The following MACROD2 variants were observed in gnomAD, a reference collection of about 807,000 sequenced individuals.
MACROD2 encodes ADP-ribose glycohydrolase MACROD2.
A neutral mutation model predicts 70.4 loss-of-function variants in MACROD2; 36 were observed. The ratio of observed to expected loss-of-function variants is 0.51; its 90% CI spans 0.39 to 0.68. The LOEUF is 0.68. Among genes scored for constraint, MACROD2 ranks in the 30% least tolerant of loss-of-function variants. The pLI, the probability that MACROD2 is intolerant of heterozygous loss-of-function variation, is 0.00. For missense variants in MACROD2, 496 were observed against 538.4 expected, an observed-to-expected ratio of 0.92 and a Z score of 0.78; for synonymous variants, 172 against 178.8, an observed-to-expected ratio of 0.96 and a Z score of 0.30.
At chr20:14,550,451 A>G (rs1177947251) in intron 4 of MACROD2, among the ~76,000 whole-genome samples, 1 of 152,138 alleles carries the variant, frequency 6.6e-6, no homozygotes, top group Admixed American at 6.6e-5. Context: ...TAATTAGGTC[A>G]TTTGGAGACC....
intron 3 of MACROD2, among the ~76,000 whole-genome samples, chr20:14,198,976 T>G (rs1352950192): frequency 6.6e-6 from 1 of 152,112 alleles, no homozygotes; most frequent in Non-Finnish European, 1.5e-5. Flanking sequence ...GCCTTTTCTC[T>G]TTTTTCTATA....
intron 8 of MACROD2, among the ~76,000 whole-genome samples, chr20:15,635,563 A>T (rs145373358): frequency 6.6e-6 from 1 of 152,046 alleles, no homozygotes; most frequent in Non-Finnish European, 1.5e-5. Context: ...TAAAGATGCA[A>T]CAATAGACAT....
intron 4 of MACROD2, among the ~76,000 whole-genome samples, chr20:14,527,132 G>A (rs889138001): frequency 2.0e-5 from 3 of 152,312 alleles, no homozygotes; most frequent in South Asian, 2.1e-4. Context: ...ACTCCATGTC[G>A]TTCTGCTGGT....
rs187692469 is a variant in MACROD2, at chr20:15,764,481, C to T, written c.646-98264C>T. On this transcript the variant is annotated intron_variant, in intron 8 of 17. Coordinates refer to ENST00000684519, the MANE Select transcript of MACROD2 (RefSeq NM_001351661.2). ...ACCAAACCTGTTTTGCCCAGCCTTT[C>T]CCGCCATCATAAATGGCCTCACCAT... 2.8e-3 allele frequency among the ~76,000 whole-genome samples: 419 copies of T among 152,274 alleles called. 2 individuals are homozygous for T. Among genetic ancestry groups the T allele is most frequent in the African/African-American group, 9.7e-3 (404 of 41,568 alleles).
At chr20:15,574,431 T>C (rs2048417355) in intron 8 of MACROD2, among the ~76,000 whole-genome samples, 2 of 152,170 alleles carry the variant, frequency 1.3e-5, no homozygotes, top group African/African-American at 2.4e-5. Flanking sequence ...TTCATAAACA[T>C]GTATTTTACC....
intron 5 of MACROD2, among the ~76,000 whole-genome samples, chr20:14,943,810 T>C (rs1013129609): frequency 6.6e-6 from 1 of 152,194 alleles, no homozygotes; most frequent in Non-Finnish European, 1.5e-5. Context: ...TTCCTGACTT[T>C]CTATAAGACC....
intron 8 of MACROD2, among the ~76,000 whole-genome samples, chr20:15,759,156 A>C (rs1394231765): frequency 1.3e-5 from 2 of 151,052 alleles, no homozygotes; most frequent in Non-Finnish European, 3.0e-5. Context: ...AAAAAAAAAA[A>C]AAAAAAAAAA....
chr20:15,799,892 GT>G (rs1379742169), intron 8 of MACROD2, among the ~76,000 whole-genome samples: 1 of 152,090 alleles, frequency 6.6e-6, no homozygotes, highest in Middle Eastern at 3.2e-3. Flanking sequence ...TCCACCAATA[GT>G]TTATAAGAGT....
At chr20:16,022,564 T>C (rs931018750) in intron 15 of MACROD2, among the ~76,000 whole-genome samples, 1 of 152,170 alleles carries the variant, frequency 6.6e-6, no homozygotes, top group Non-Finnish European at 1.5e-5. Context: ...GCTCTGCCAA[T>C]CACAGGTTCT....
intron 8 of MACROD2, among the ~76,000 whole-genome samples, chr20:15,557,497 T>A (rs2087967140): frequency 6.6e-6 from 1 of 152,182 alleles, no homozygotes; most frequent in South Asian, 2.1e-4. Flanking sequence ...AATCTTTTGT[T>A]TTTTCCCCTG....
intron 5 of MACROD2, among the ~76,000 whole-genome samples, chr20:15,010,659 A>G (rs1821451456): frequency 6.6e-6 from 1 of 152,220 alleles, no homozygotes; most frequent in South Asian, 2.1e-4. Context: ...TGAAATATCC[A>G]TTAGTTCACA....
intron 3 of MACROD2, among the ~76,000 whole-genome samples, chr20:14,389,421 CAA>C (rs4052956): frequency 3.3e-5 from 3 of 90,042 alleles, no homozygotes; most frequent in Non-Finnish European, 4.1e-5. Context: ...GACTTGGTCT[CAA>C]AAAAAAAAAA....
intron 5 of MACROD2, among the ~76,000 whole-genome samples, chr20:15,095,070 T>TTC: frequency 3.6e-5 from 2 of 55,920 alleles, no homozygotes; most frequent in Admixed American, 2.1e-4. Context: ...TCTTCTTTTT[T>TTC]TTTTTTTTTT....
At chr20:15,771,521 A>G (rs1459577674) in intron 8 of MACROD2, among the ~76,000 whole-genome samples, 1 of 151,850 alleles carries the variant, frequency 6.6e-6, no homozygotes, top group Non-Finnish European at 1.5e-5. Context: ...AGAAAGTCAC[A>G]GTCTTTTGTC....
intron 8 of MACROD2, among the ~76,000 whole-genome samples, chr20:15,631,783 A>C (rs770213194): frequency 2.0e-5 from 3 of 152,158 alleles, no homozygotes; most frequent in African/African-American, 7.2e-5. Context: ...ACTGATGTCC[A>C]GCTCTTACCT....
chr20:14,154,572 T>G (rs1401049270), intron 3 of MACROD2, among the ~76,000 whole-genome samples: 5 of 125,256 alleles, frequency 4.0e-5, no homozygotes, highest in Non-Finnish European at 5.1e-5. Context: ...TTTTTTTTTT[T>G]TTTTTTTTTT....
intron 3 of MACROD2, among the ~76,000 whole-genome samples, chr20:14,388,898 G>T (rs1450254574): frequency 6.6e-6 from 1 of 152,066 alleles, no homozygotes; most frequent in Non-Finnish European, 1.5e-5. Flanking sequence ...TCATTTTTGA[G>T]ATAGAGTCTC....
At chr20:14,482,478 C>T (rs906890561) in intron 3 of MACROD2, among the ~76,000 whole-genome samples, 1 of 150,988 alleles carries the variant, frequency 6.6e-6, no homozygotes, top group African/African-American at 2.4e-5. Context: ...AAGCTGGCCA[C>T]GTCATGAGTT....
chr20:14,461,295 G>T (rs2084368224), intron 3 of MACROD2, among the ~76,000 whole-genome samples: 1 of 151,824 alleles, frequency 6.6e-6, no homozygotes, highest in Admixed American at 6.6e-5. Flanking sequence ...TGTTTATTGT[G>T]TCTATTTGAT....
Sources: gnomAD v4.1 joint callset for allele counts (sites outside exome capture counted in the v4.1 genomes callset) on GRCh38, gnomAD v4.1.1 for gene constraint, MANE v1.5 for transcripts, NCBI Gene and HGNC (gene_info 2026-07-23, HGNC 2026-07-21) for gene names.